Variants in ANO5 observed in about 807,000 individuals in gnomAD.
The protein encoded by ANO5 is anoctamin 5, also known as anoctamin-5.
A neutral mutation model predicts 121.0 loss-of-function variants in ANO5; 109 were observed. The observed-to-expected ratio is 0.90, with a 90% confidence interval of 0.77 to 1.06. ANO5 has a LOEUF of 1.06. Ranked by LOEUF, ANO5 falls within the 50% of genes least tolerant of loss-of-function variation. ANO5 has a pLI of 0.00. For missense variants in ANO5, 1,064 were observed against 1,078.5 expected (o/e 0.99, Z 0.19); for synonymous variants, 406 against 359.9 (o/e 1.13, Z -1.45).
Position 22,270,393 on chromosome 11 carries a change from C to T in ANO5, c.1980C>T (p.Asp660=), listed in dbSNP as rs1213065571. 6.2e-7 allele frequency: 1 copy of T among 1,613,974 alleles called. No homozygotes were observed. Among genetic ancestry groups the T allele is most frequent in the Non-Finnish European group, 8.5e-7 (1 of 1,180,012 alleles). ...KLYSRWEQDH[D]LESFGPLGLF... is the part of the protein sequence containing the mutation. ...ATAGTCGATGGGAGCAGGATCATGA[C>T]CTTGAAAGTTTTGGACCCCTTGGGC... Residue 660 remains aspartate, a synonymous_variant, in exon 18 of 22, where the codon GAC becomes GAT. Transcript: ENST00000324559.
chr11:22,198,313 G>T (rs1851869324), intron 1 of ANO5, among the ~76,000 whole-genome samples: 1 of 152,146 alleles, frequency 6.6e-6, no homozygotes, highest in Non-Finnish European at 1.5e-5. Context: ...GAGGTTTCAG[G>T]CAAGGCCTGA....
chr11:22,221,924 T>C (rs374876210), intron 5 of ANO5, among the ~76,000 whole-genome samples: 34 of 152,122 alleles, frequency 2.2e-4, no homozygotes, highest in African/African-American at 7.2e-4. Flanking sequence ...CAAGACTCCA[T>C]ACATATACAG....
intron 17 of ANO5, among the ~76,000 whole-genome samples, chr11:22,270,099 A>G (rs1020044986): frequency 1.3e-5 from 2 of 152,282 alleles, no homozygotes; most frequent in South Asian, 2.1e-4. Context: ...CATTTTCTCA[A>G]TCACCCTAAT....
At chr11:22,198,006 GAA>G (rs1445531335) in intron 1 of ANO5, among the ~76,000 whole-genome samples, 1 of 152,188 alleles carries the variant, frequency 6.6e-6, no homozygotes, top group Non-Finnish European at 1.5e-5. Flanking sequence ...GAGGGAGTAT[GAA>G]AGTGTCTGAG....
chr11:22,193,649 G>A, intron 1 of ANO5, 117 bp downstream of exon 1: 1 of 1,303,192 alleles, frequency 7.7e-7, no homozygotes, highest in Non-Finnish European at 1.1e-6. Context: ...TCCTAGGGAG[G>A]TTCGCTGCGT....
rs559210033 is a variant in ANO5, at chr11:22,280,446, T to G, written c.*681T>G. 1 of 151,960 alleles carries G rather than the reference T, an allele frequency of 6.6e-6. No individual in the cohort carries two copies. The highest frequency in any genetic ancestry group is 2.1e-4 in the South Asian group (1 of 4,822). The allele number at this position is 151,960 out of a possible 1,614,324, so 9.4% of individuals were successfully genotyped here. A position where few individuals can be genotyped will look rare whatever the true frequency, so the allele number is the denominator to read the frequency against. Reference sequence around the variant, plus strand: ...TTGGTTCTTAGAGATAATAATTTGGTTATAATAGTTTCAAGACTGATCTTA... The same window carrying G: ...TTGGTTCTTAGAGATAATAATTTGGGTATAATAGTTTCAAGACTGATCTTA... On this transcript the variant is annotated 3_prime_UTR_variant, in exon 22 of 22. Transcript: ENST00000324559.
intron 21 of ANO5, 25 bp from the exon 22 acceptor site, chr11:22,279,519 A>G: frequency 6.3e-7 from 1 of 1,580,594 alleles, no homozygotes; most frequent in Non-Finnish European, 8.7e-7. Context: ...AACAGCGTCT[A>G]ATCTTTCCTT....
At chr11:22,271,375 G>C (rs1216882173) in intron 18 of ANO5, among the ~76,000 whole-genome samples, 1 of 152,074 alleles carries the variant, frequency 6.6e-6, no homozygotes, top group Non-Finnish European at 1.5e-5. Flanking sequence ...ACCTTTCAAG[G>C]CCCATAAAAC....
At chr11:22,255,736 A>G (rs1853981609) in intron 13 of ANO5, among the ~76,000 whole-genome samples, 1 of 152,138 alleles carries the variant, frequency 6.6e-6, no homozygotes, top group Admixed American at 6.6e-5. Context: ...TCAAATGTAG[A>G]TAGAAAAATA....
intron 20 of ANO5, among the ~76,000 whole-genome samples, 172 bp downstream of exon 20, chr11:22,274,919 G>C (rs1854776817): frequency 6.6e-6 from 1 of 151,972 alleles, no homozygotes; most frequent in South Asian, 2.1e-4. Context: ...ATTCAGATTT[G>C]AAAAGGTAAA....
At chr11:22,255,803 C>T (rs1853984033) in intron 13 of ANO5, among the ~76,000 whole-genome samples, 1 of 152,016 alleles carries the variant, frequency 6.6e-6, no homozygotes, top group Non-Finnish European at 1.5e-5. Context: ...AATTCATGGA[C>T]AATCTTGTTT....
intron 1 of ANO5, among the ~76,000 whole-genome samples, chr11:22,199,004 C>T (rs1851888556): frequency 6.6e-6 from 1 of 152,142 alleles, no homozygotes; most frequent in South Asian, 2.1e-4. Context: ...ATTTTTCAAG[C>T]ATTTCCCTTT....
intron 20 of ANO5, among the ~76,000 whole-genome samples, chr11:22,275,839 G>A (rs1854819753): frequency 6.6e-6 from 1 of 151,810 alleles, no homozygotes; most frequent in African/African-American, 2.4e-5. Context: ...CATTTGAGAA[G>A]CTTGTCTTTG....
At chr11:22,268,297 C>T (rs58854291) in intron 17 of ANO5, among the ~76,000 whole-genome samples, 3 of 151,188 alleles carry the variant, frequency 2.0e-5, no homozygotes, top group African/African-American at 4.9e-5. Context: ...TAATACCGAG[C>T]CTTCTTACTC....
chr11:22,211,786 T>C (rs911179064), intron 3 of ANO5, among the ~76,000 whole-genome samples: 43 of 151,910 alleles, frequency 2.8e-4, no homozygotes, highest in Non-Finnish European at 5.0e-4. Context: ...TAAGGGGACC[T>C]GAAACTTTTC....
Position 22,221,100 on chromosome 11 carries a change from CA to C in ANO5, c.191del (p.Asn64IlefsTer27). 1.9e-6 allele frequency: 3 copies of C among 1,609,030 alleles called. No individual in the cohort carries two copies. Among genetic ancestry groups the C allele is most frequent in the Non-Finnish European group, 2.5e-6 (3 of 1,176,504 alleles). On this transcript the variant is annotated frameshift_variant, in exon 5 of 22. Coordinates refer to ENST00000324559, the MANE Select transcript of ANO5 (RefSeq NM_213599.3). LOFTEE classifies it high-confidence loss of function. The part of the protein sequence containing the change: ...NLFLRRRLMF[Q>X]KNQQSKDSIF... ...GTGTCATTTATGTCTCCTGCAGTTT[CA>C]AAAAAATCAGCAAAGCAAAGATTCT...
rs1381350334 is a variant in ANO5 at position 22,272,830 on chromosome 11, G to A, written c.2076G>A (p.Leu692=). The A allele has an allele frequency of 1.9e-6, 3 of 1,613,704 alleles. No individual in the cohort carries two copies. The highest frequency in any genetic ancestry group is 2.7e-5 in the African/African-American group (2 of 74,776). ...FVTLFVASFP[L]APLLALINNI... ...CACTATTTGTGGCCTCTTTTCCTTT[G>A]GCTCCTCTTCTTGCTCTCATAAATA... Residue 692 remains leucine, a synonymous_variant, in exon 19 of 22, where the codon TTG becomes TTA. Coordinates refer to ENST00000324559, the MANE Select transcript of ANO5 (RefSeq NM_213599.3).
chr11:22,260,189 A>G (rs765016572), intron 15 of ANO5, among the ~76,000 whole-genome samples: 1 of 152,132 alleles, frequency 6.6e-6, no homozygotes, highest in African/African-American at 2.4e-5. Flanking sequence ...TTCTACTGCT[A>G]TCTCTTAGAA....
chr11:22,252,317 A>C (rs1853852415), intron 12 of ANO5, among the ~76,000 whole-genome samples: 1 of 152,170 alleles, frequency 6.6e-6, no homozygotes, highest in Non-Finnish European at 1.5e-5. Flanking sequence ...TGGAATCAAA[A>C]ATGAATGATA....
Sources: gnomAD v4.1 joint callset for allele counts (sites outside exome capture counted in the v4.1 genomes callset) on GRCh38, gnomAD v4.1.1 for gene constraint, MANE v1.5 for transcripts, NCBI Gene and HGNC (gene_info 2026-07-23, HGNC 2026-07-21) for gene names.